Variants in PRKD1 observed in about 807,000 individuals in gnomAD.
PRKD1 encodes serine/threonine-protein kinase D1.
In PRKD1, 63 loss-of-function variants were observed where a neutral mutation model predicts 95.9. The ratio of observed to expected loss-of-function variants is 0.66; its 90% CI spans 0.54 to 0.81. The LOEUF is 0.81. Ranked by LOEUF, PRKD1 falls within the 30% of genes least tolerant of loss-of-function variation. PRKD1 has a pLI of 0.00. For missense variants in PRKD1, 1,048 were observed against 1,165.3 expected (o/e 0.90, Z 1.47); for synonymous variants, 425 against 423.1 (o/e 1.00, Z -0.05).
At chr14:29,670,501 T>C (rs575722389) in intron 2 of PRKD1, among the ~76,000 whole-genome samples, 1 of 152,320 alleles carries the variant, frequency 6.6e-6, no homozygotes, top group Admixed American at 6.5e-5. Context: ...GGATTGTCTA[T>C]ATATTTCTTT....
intron 2 of PRKD1, among the ~76,000 whole-genome samples, chr14:29,721,933 T>C (rs1010596435): frequency 6.6e-6 from 1 of 151,676 alleles, no homozygotes; most frequent in African/African-American, 2.4e-5. Context: ...GAGAAAAAAA[T>C]CAGCAAATTA....
rs528474332 is a variant in PRKD1 at position 29,725,911 on chromosome 14, TAGAC to T, written c.265-241_265-238del. Among the ~76,000 whole-genome samples the T allele has an allele frequency of 1.4e-3, 220 of 152,244 alleles. 3 individuals carry two copies. The highest frequency in any genetic ancestry group is 9.2e-3 in the Admixed American group (140 of 15,266). ...AGTAATGGTCAAGTGGTTTTCTAAT[TAGAC>T]AGCAAGAAAACAAGAGAATATGAGA... On this transcript the variant is annotated intron_variant, in intron 1 of 17. Transcript: ENST00000331968.
intron 1 of PRKD1, among the ~76,000 whole-genome samples, chr14:29,777,482 G>C (rs1291944532): frequency 6.6e-6 from 1 of 152,098 alleles, no homozygotes; most frequent in East Asian, 1.9e-4. Context: ...AAAAAAAGCA[G>C]GGGTTGCAAT....
intron 1 of PRKD1, among the ~76,000 whole-genome samples, chr14:29,762,562 T>C (rs1206490181): frequency 6.6e-6 from 1 of 152,190 alleles, no homozygotes; most frequent in Non-Finnish European, 1.5e-5. Flanking sequence ...ACAACATTCA[T>C]CTCAACATTT....
intron 2 of PRKD1, among the ~76,000 whole-genome samples, chr14:29,679,316 T>C (rs1883402303): frequency 1.3e-5 from 2 of 152,334 alleles, no homozygotes; most frequent in African/African-American, 4.8e-5. Flanking sequence ...TGTGGGTTTT[T>C]ACATTTGGTA....
At chr14:29,728,536 T>C (rs1886278467) in intron 1 of PRKD1, among the ~76,000 whole-genome samples, 1 of 152,216 alleles carries the variant, frequency 6.6e-6, no homozygotes, top group Non-Finnish European at 1.5e-5. Flanking sequence ...ATGTTATATG[T>C]ACTCTTTTCT....
Position 29,859,201 on chromosome 14 carries a change from G to A in PRKD1, c.264+68048C>T, listed in dbSNP as rs543829621. Among the ~76,000 whole-genome samples the A allele has an allele frequency of 5.3e-5, 8 of 152,316 alleles. No homozygotes were observed. The South Asian group carries it at 1.0e-3, about 20-fold the overall frequency. ...AAAATCTGACAGTAAGCTGGGCGCC[G>A]TGGCTTATGCCTGTAATCCCAGCAC... On this transcript the variant is annotated intron_variant, in intron 1 of 17. Coordinates refer to ENST00000331968, the MANE Select transcript of PRKD1 (RefSeq NM_002742.3).
At chr14:29,643,948 G>T (rs73255539) in intron 4 of PRKD1, among the ~76,000 whole-genome samples, 4,271 of 152,280 alleles carry the variant, frequency 0.028, 182 homozygotes, top group African/African-American at 0.091. Context: ...TAAAGAGAAA[G>T]AGAAAGAGAA....
intron 1 of PRKD1, among the ~76,000 whole-genome samples, chr14:29,860,180 C>A (rs1400901671): frequency 3.3e-5 from 5 of 152,228 alleles, no homozygotes; most frequent in Non-Finnish European, 7.3e-5. Flanking sequence ...CTTCTTTCTG[C>A]TGTGGGTGCT....
intron 1 of PRKD1, among the ~76,000 whole-genome samples, chr14:29,740,445 T>C (rs1312446244): frequency 6.6e-6 from 1 of 152,214 alleles, no homozygotes; most frequent in Non-Finnish European, 1.5e-5. Flanking sequence ...TATTAAGGAA[T>C]ATTTTCAAGG....
intron 1 of PRKD1, among the ~76,000 whole-genome samples, chr14:29,727,919 C>A (rs1253757443): frequency 2.0e-5 from 3 of 150,378 alleles, no homozygotes; most frequent in Non-Finnish European, 3.0e-5. Context: ...AACAAAAAAC[C>A]AAACACCGCA....
At chr14:29,597,804 G>A (rs767539475) in intron 15 of PRKD1, 46 bp from the exon 16 acceptor site, 1 of 1,549,424 alleles carries the variant, frequency 6.5e-7, no homozygotes, top group Non-Finnish European at 8.7e-7. Context: ...ACAATTGTGT[G>A]TCTGTGTGTC....
At chr14:29,666,254 A>G in intron 2 of PRKD1, 46 bp from the exon 3 acceptor site, 1 of 1,540,134 alleles carries the variant, frequency 6.5e-7, no homozygotes, top group Non-Finnish European at 8.9e-7. Context: ...AGGCACTCTG[A>G]TCTGTAAATA....
At chr14:29,688,970 A>AAAAG (rs749581039) in intron 2 of PRKD1, among the ~76,000 whole-genome samples, 3 of 149,824 alleles carry the variant, frequency 2.0e-5, no homozygotes, top group Non-Finnish European at 3.0e-5. Context: ...AAAAAAAAAA[A>AAAAG]AAAGAAAGAA....
At chr14:29,885,067 G>C (rs1893649331) in intron 1 of PRKD1, among the ~76,000 whole-genome samples, 1 of 150,270 alleles carries the variant, frequency 6.7e-6, no homozygotes, top group South Asian at 2.1e-4. Flanking sequence ...AGCTTGCAGT[G>C]AGCCGAGATC....
rs754440861 is a variant in PRKD1 at position 29,927,258 on chromosome 14, G to T, written c.255C>A (p.Val85=). 7.3e-6 allele frequency: 11 copies of T among 1,507,864 alleles called. No individual in the cohort carries two copies. Among genetic ancestry groups the T allele is most frequent in the Non-Finnish European group, 9.7e-6 (11 of 1,128,918 alleles). The allele number at this position is 1,507,864 out of a possible 1,614,324, so 93.4% of individuals were successfully genotyped here. ...AHVREMACSI[V]DQKFPECGFY... ...CGGTGCGGCGACTTACCTTCTGGTC[G>T]ACAATGGAGCAAGCCATCTCGCGGA... Residue 85 remains valine (V), a synonymous_variant, in exon 1 of 18, where the codon GTC becomes GTA. Transcript: ENST00000331968.
At chr14:29,636,924 T>C (rs1001750921) in intron 6 of PRKD1, among the ~76,000 whole-genome samples, 2 of 152,220 alleles carry the variant, frequency 1.3e-5, no homozygotes, top group African/African-American at 4.8e-5. Context: ...TCCAGATCCT[T>C]CCATGATTTT....
intron 13 of PRKD1, among the ~76,000 whole-genome samples, chr14:29,613,421 T>C (rs1878621136): frequency 6.6e-6 from 1 of 152,066 alleles, no homozygotes; most frequent in South Asian, 2.1e-4. Flanking sequence ...GAAGACAAGT[T>C]ACTATGTCTT....
chr14:29,657,470 C>T (rs918809707), intron 4 of PRKD1: 5 of 152,188 alleles, frequency 3.3e-5, no homozygotes, highest in African/African-American at 1.2e-4. Context: ...TTTGAATCCT[C>T]AGTCCTCATT....
Sources: gnomAD v4.1 joint callset for allele counts (sites outside exome capture counted in the v4.1 genomes callset) on GRCh38, gnomAD v4.1.1 for gene constraint, MANE v1.5 for transcripts, NCBI Gene and HGNC (gene_info 2026-07-23, HGNC 2026-07-21) for gene names.